Variants in CFH observed in about 807,000 individuals in gnomAD.
CFH encodes the protein complement factor H.
In CFH, 53 loss-of-function variants were observed where a neutral mutation model predicts 147.3. That is an observed-to-expected ratio of 0.36 (90% CI 0.29 to 0.45). The LOEUF (loss-of-function observed/expected upper bound fraction) is 0.45, where lower values mean the gene tolerates loss of function less well. CFH is among the 20% of genes least tolerant of loss of function. CFH has a pLI of 1.00. For missense variants in CFH, 1,380 were observed against 1,498.0 expected (o/e 0.92, Z 1.30); for synonymous variants, 536 against 489.4 (o/e 1.10, Z -1.26).
chr1:196,747,378 T>A lies in CFH; in HGVS notation c.*65T>A, dbSNP rs900294473. 4 of 1,601,956 alleles carry A rather than the reference T, an allele frequency of 2.5e-6. No homozygotes were observed. In the African/African-American group the frequency reaches 5.4e-5, roughly 22 times the overall value. On this transcript the variant is annotated 3_prime_UTR_variant, in exon 22 of 22. Transcript: ENST00000367429. ...TATTAAATCAGTTCTCAATTTCATTTTTTATGTATTGTTTTACTCCTTTTT... is the reference window on the plus strand; with the variant it reads ...TATTAAATCAGTTCTCAATTTCATTATTTATGTATTGTTTTACTCCTTTTT...
intron 11 of CFH, among the ~76,000 whole-genome samples, chr1:196,716,961 A>G (rs1668884446): frequency 6.6e-6 from 1 of 152,078 alleles, no homozygotes; most frequent in Non-Finnish European, 1.5e-5. Flanking sequence ...TGATGACGCT[A>G]AATTGGATAA....
chr1:196,727,222 GC>G (rs1669166524), intron 14 of CFH, among the ~76,000 whole-genome samples: 1 of 152,092 alleles, frequency 6.6e-6, no homozygotes, highest in Non-Finnish European at 1.5e-5. Flanking sequence ...GTCATGTGAG[GC>G]CAGGGTGGTT....
chr1:196,689,699 C>T lies in CFH; in HGVS notation c.1159+85C>T, dbSNP rs1667958536. On this transcript the variant is annotated intron_variant, in intron 8 of 21. Transcript: ENST00000367429. Reference sequence around the variant, plus strand: ...AGAGCACATAAGTGATTACACCTGTCTTATGTAACAGAAATAGGGCCAAGA... The same window carrying T: ...AGAGCACATAAGTGATTACACCTGTTTTATGTAACAGAAATAGGGCCAAGA... 2.1e-6 allele frequency: 3 copies of T among 1,425,126 alleles called. No homozygotes were observed. In the South Asian group the frequency reaches 3.5e-5, roughly 17 times the overall value. The allele number at this position is 1,425,126 out of a possible 1,614,324, so 88.3% of individuals were successfully genotyped here. A position where few individuals can be genotyped will look rare whatever the true frequency, so the allele number is the denominator to read the frequency against.
chr1:196,743,219 T>A (rs1452117800), intron 19 of CFH, among the ~76,000 whole-genome samples: 1 of 152,244 alleles, frequency 6.6e-6, no homozygotes, highest in Admixed American at 6.5e-5. Context: ...GGTCTATCAG[T>A]GTTCTAGCGA....
intron 17 of CFH, 87 bp downstream of exon 17, chr1:196,737,747 G>A: frequency 9.9e-7 from 1 of 1,009,372 alleles, no homozygotes. Context: ...GAATAATTGA[G>A]ATTACTGCAT....
At chr1:196,690,331 A>C (rs549488855) in intron 9 of CFH, 92 bp downstream of exon 9, 1 of 1,560,068 alleles carries the variant, frequency 6.4e-7, no homozygotes, top group African/African-American at 1.4e-5. Context: ...ATTGTGGCAA[A>C]ATGTTTATGT....
At position 196,743,523 on chromosome 1, in the gene CFH, T is replaced by C; in HGVS notation, c.3205T>C (p.Ser1069Pro). 1 of 1,614,062 alleles carries C rather than the reference T, an allele frequency of 6.2e-7. No homozygotes were observed. ...IVSRQMSKYPSGERVRYQCRS... is the reference protein window; with the variant it reads ...IVSRQMSKYPPGERVRYQCRS... ...GTCGAGACAGATGAGTAAATATCCATCTGGTGAGAGAGTACGTTATCAATG... is the reference window on the plus strand; with the variant it reads ...GTCGAGACAGATGAGTAAATATCCACCTGGTGAGAGAGTACGTTATCAATG... The change falls in exon 20 of 22, where the codon TCT (serine) becomes CCT (proline). Residue 1069 changes from serine (S) to proline (P), a missense_variant. Ser to Pro is a moderately conservative substitution (Grantham distance 74). Coordinates refer to ENST00000367429, the MANE Select transcript of CFH (RefSeq NM_000186.4).
chr1:196,678,016 T>A (rs1432456599), intron 5 of CFH: 3 of 306,122 alleles, frequency 9.8e-6, no homozygotes, highest in Admixed American at 8.9e-5. Flanking sequence ...TCCATTGTAG[T>A]TGTCTCTTAG....
intron 17 of CFH, among the ~76,000 whole-genome samples, chr1:196,739,081 C>A (rs1652702238): frequency 6.6e-6 from 1 of 152,206 alleles, no homozygotes; most frequent in Non-Finnish European, 1.5e-5. Flanking sequence ...CCCCTTTTAG[C>A]CACAGCTGGA....
At chr1:196,687,470 T>G (rs1667867505) in intron 7 of CFH, among the ~76,000 whole-genome samples, 1 of 152,040 alleles carries the variant, frequency 6.6e-6, no homozygotes, top group Admixed American at 6.6e-5. Context: ...TTTTTATTCC[T>G]TTTGGAAAGA....
intron 5 of CFH, 180 bp downstream of exon 5, chr1:196,677,847 A>G (rs532885627): frequency 1.6e-6 from 1 of 612,542 alleles, no homozygotes; most frequent in Admixed American, 2.7e-5. Context: ...TAACTTTCAA[A>G]AAACTCCATG....
chr1:196,677,210 C>T (rs1461056992), intron 4 of CFH: 2 of 335,702 alleles, frequency 6.0e-6, no homozygotes, highest in East Asian at 5.8e-5. Flanking sequence ...TTTAAAAATA[C>T]TAGTTTGTTA....
chr1:196,680,974 C>T (rs1381567528), intron 6 of CFH, among the ~76,000 whole-genome samples: 1 of 151,860 alleles, frequency 6.6e-6, no homozygotes, highest in African/African-American at 2.4e-5. Context: ...TAATAACCCA[C>T]ATCAGATCCA....
At chr1:196,697,078 T>G (rs1381751881) in intron 9 of CFH, among the ~76,000 whole-genome samples, 1 of 151,674 alleles carries the variant, frequency 6.6e-6, no homozygotes, top group Non-Finnish European at 1.5e-5. Context: ...GCAATACCAT[T>G]CAGGACATAG....
At chr1:196,669,136 G>A (rs768204669) in intron 1 of CFH, among the ~76,000 whole-genome samples, 1 of 152,146 alleles carries the variant, frequency 6.6e-6, no homozygotes, top group Non-Finnish European at 1.5e-5. Flanking sequence ...AAAGAGATTG[G>A]CAACATTTTG....
intron 11 of CFH, among the ~76,000 whole-genome samples, chr1:196,721,927 T>C (rs1395632038): frequency 1.3e-5 from 2 of 152,106 alleles, no homozygotes; most frequent in Middle Eastern, 3.4e-3. Flanking sequence ...CATGAGTTTG[T>C]ATAGGTTTCT....
intron 1 of CFH, among the ~76,000 whole-genome samples, chr1:196,663,486 A>G (rs1479395748): frequency 1.3e-5 from 2 of 152,154 alleles, no homozygotes; most frequent in African/African-American, 4.8e-5. Context: ...TTTCTCTTAC[A>G]TTTAAACAAC....
chr1:196,747,481 C>T lies in CFH; in HGVS notation c.*168C>T. ...ACCGGTGGCTCTCTTCTTAAAAGCA[C>T]CATATTAAATCCTGGAAAACTAACG... On this transcript the variant is annotated 3_prime_UTR_variant, in exon 22 of 22. Coordinates refer to ENST00000367429, the MANE Select transcript of CFH (RefSeq NM_000186.4). The T allele has an allele frequency of 6.7e-6, 6 of 891,504 alleles. No individual in the cohort carries two copies. Among genetic ancestry groups the T allele is most frequent in the Non-Finnish European group, 1.1e-5 (6 of 570,838 alleles). 55.2% of individuals were successfully genotyped at this position (891,504 alleles called of 1,614,324 possible). A position where few individuals can be genotyped will look rare whatever the true frequency, so the allele number is the denominator to read the frequency against.
intron 1 of CFH, among the ~76,000 whole-genome samples, chr1:196,656,313 A>C (rs1222986017): frequency 6.6e-6 from 1 of 151,472 alleles, no homozygotes; most frequent in Non-Finnish European, 1.5e-5. Context: ...CAAAAAGAAA[A>C]AAAAAAAAAA....
Sources: allele counts gnomAD v4.1 joint callset (sites outside exome capture counted in the v4.1 genomes callset), GRCh38; gene constraint gnomAD v4.1.1; transcripts MANE v1.5; gene names NCBI Gene and HGNC (gene_info 2026-07-23, HGNC 2026-07-21).